C12orf56: variants seen among roughly 807,000 people sequenced by gnomAD.
The protein encoded by C12orf56 is uncharacterized protein C12orf56.
C12orf56 carries 71 observed loss-of-function variants against 69.9 expected under a neutral mutation model. The ratio of observed to expected loss-of-function variants is 1.02; its 90% CI spans 0.84 to 1.24. The LOEUF is 1.24. Among genes scored for constraint, C12orf56 ranks in the 50% most tolerant of loss-of-function variants. The probability of loss-of-function intolerance (pLI) is 0.00; values close to 1 mark genes in which losing one functional copy is unlikely to be tolerated. For missense variants in C12orf56, 732 were observed against 738.5 expected, an observed-to-expected ratio of 0.99 and a Z score of 0.10; for synonymous variants, 276 against 274.1, an observed-to-expected ratio of 1.01 and a Z score of -0.07.
At position 64,367,525 on chromosome 12, in the gene C12orf56, A is replaced by T. The variant is rs1216811002; in HGVS notation, c.253-14469T>A. ...GGAGAGATACTCTTTTTTTTTTTTGAGACAGAGCCTTGCTCTGTCGCCCAG... is the reference window on the plus strand; with the variant it reads ...GGAGAGATACTCTTTTTTTTTTTTGTGACAGAGCCTTGCTCTGTCGCCCAG... On this transcript the variant is annotated intron_variant, in intron 1 of 12. Coordinates refer to ENST00000543942, the MANE Select transcript of C12orf56 (RefSeq NM_001170633.2). Among the ~76,000 whole-genome samples, 9 of 147,300 alleles carry T rather than the reference A, an allele frequency of 6.1e-5. No homozygotes were observed. The South Asian group carries it at 1.1e-3, about 17-fold the overall frequency.
At chr12:64,274,213 C>T (rs4503636) in intron 11 of C12orf56, among the ~76,000 whole-genome samples, 141,033 of 151,928 alleles carry the variant, frequency 0.93, 66,353 homozygotes, top group East Asian at 1. Context: ...ACAGATGCAA[C>T]GGTACAGGTC....
At chr12:64,347,391 T>A (rs2039159593) in intron 2 of C12orf56, among the ~76,000 whole-genome samples, 1 of 150,302 alleles carries the variant, frequency 6.7e-6, no homozygotes, top group Non-Finnish European at 1.5e-5. Context: ...GTTCAAGCAA[T>A]TCTCCTACCT....
In C12orf56 at chr12:64,285,965, A is replaced by C. The variant is rs2038195381; in HGVS notation, c.1209T>G (p.Val403=). Residue 403 remains valine (V), a synonymous_variant, in exon 7 of 13, where the codon GTT becomes GTG. Transcript: ENST00000543942. ...KNALQNQSQR[V]DELVACIEII... is the part of the protein sequence containing the mutation. ...TAGTTAGTACTTACACCAGCTCATC[A>C]ACCCTTTGGCTTTGATTTTGTAGTG... The C allele has an allele frequency of 1.9e-6, 3 of 1,598,694 alleles. No homozygotes were observed. The highest frequency in any genetic ancestry group is 1.7e-5 in the Admixed American group (1 of 58,420).
chr12:64,332,287 A>G (rs1422510211), intron 2 of C12orf56, among the ~76,000 whole-genome samples: 1 of 125,036 alleles, frequency 8.0e-6, no homozygotes, highest in Non-Finnish European at 1.6e-5. Context: ...TGGGTGAAAG[A>G]GCGAGACTCC....
intron 2 of C12orf56, among the ~76,000 whole-genome samples, chr12:64,349,019 G>A (rs903335230): frequency 7.9e-5 from 12 of 152,156 alleles, no homozygotes; most frequent in African/African-American, 2.7e-4. Context: ...TTGAGACAGA[G>A]TCTCACTCTG....
chr12:64,364,267 G>A (rs2039436539), intron 1 of C12orf56, among the ~76,000 whole-genome samples: 1 of 151,898 alleles, frequency 6.6e-6, no homozygotes, highest in Non-Finnish European at 1.5e-5. Context: ...TGGGCAATGA[G>A]AGTGAGACCC....
At chr12:64,298,865 C>A (rs1275627841) in intron 6 of C12orf56, among the ~76,000 whole-genome samples, 1 of 152,150 alleles carries the variant, frequency 6.6e-6, no homozygotes, top group Non-Finnish European at 1.5e-5. Flanking sequence ...GCTATGCGGG[C>A]TCTTTTTTGG....
intron 3 of C12orf56, among the ~76,000 whole-genome samples, chr12:64,321,277 T>A (rs2038769386): frequency 6.6e-6 from 1 of 152,140 alleles, no homozygotes; most frequent in Non-Finnish European, 1.5e-5. Flanking sequence ...TGAGGGGAAG[T>A]TTATCCTTTT....
chr12:64,388,363 C>T (rs1451746064), intron 1 of C12orf56, among the ~76,000 whole-genome samples: 1 of 152,186 alleles, frequency 6.6e-6, no homozygotes, highest in Non-Finnish European at 1.5e-5. Flanking sequence ...CCTCCCACTT[C>T]AGCCTATGAA....
At chr12:64,300,885 A>G (rs1330935247) in intron 6 of C12orf56, among the ~76,000 whole-genome samples, 2 of 152,136 alleles carry the variant, frequency 1.3e-5, no homozygotes, top group Non-Finnish European at 2.9e-5. Flanking sequence ...GTTCCCACCC[A>G]AATCTCATCT....
intron 1 of C12orf56, among the ~76,000 whole-genome samples, chr12:64,366,804 A>G (rs1246617559): frequency 2.3e-5 from 2 of 85,982 alleles, no homozygotes; most frequent in African/African-American, 1.0e-4. Context: ...GTTTATATAT[A>G]TTATATATAA....
chr12:64,285,253 A>G (rs2038184367), intron 7 of C12orf56, among the ~76,000 whole-genome samples: 1 of 152,144 alleles, frequency 6.6e-6, no homozygotes, highest in Non-Finnish European at 1.5e-5. Flanking sequence ...ATCATTTTAT[A>G]TGTATCTCTT....
At chr12:64,305,896 T>G (rs2038505714) in intron 5 of C12orf56, among the ~76,000 whole-genome samples, 1 of 152,168 alleles carries the variant, frequency 6.6e-6, no homozygotes. Flanking sequence ...ACAAAAGAGC[T>G]TAGAAAAGCA....
rs1313407887 is a variant in C12orf56 at position 64,277,799 on chromosome 12, C to T, written c.1315G>A (p.Ala439Thr). The part of the protein sequence containing the change: ...RLNTLAAKKG[A>T]LFNLLVILIS... ...AAAATTACCAAGAGATTAAATAGTG[C>T]TCCCCTGGAAAAAAATAAATAAAAG... The change falls in exon 9 of 13, where the codon GCA becomes ACA. Residue 439 changes from alanine (A) to threonine (T), a missense_variant. Transcript: ENST00000543942. 6.4e-7 allele frequency: 1 copy of T among 1,551,564 alleles called. No homozygotes were observed. The highest frequency in any genetic ancestry group is 8.7e-7 in the Non-Finnish European group (1 of 1,147,632).
Position 64,274,996 on chromosome 12 carries a change from A to G in C12orf56, c.1510-21T>C, listed in dbSNP as rs533457911. On this transcript the variant is annotated intron_variant, in intron 10 of 12. Coordinates refer to ENST00000543942, the MANE Select transcript of C12orf56 (RefSeq NM_001170633.2). ...TTTCCCTAAAAGACTCAAGGAAATA[A>G]ACAAGTTATATTCATAAAGTTCAAG... 23 of 1,568,682 alleles carry G rather than the reference A, an allele frequency of 1.5e-5. No homozygotes were observed. In the African/African-American group the frequency reaches 2.6e-4, roughly 18 times the overall value.
intron 2 of C12orf56, among the ~76,000 whole-genome samples, chr12:64,344,833 C>G (rs911405408): frequency 3.3e-5 from 5 of 151,812 alleles, no homozygotes; most frequent in African/African-American, 1.2e-4. Context: ...ATGCCTTCCC[C>G]TACATTAAAC....
intron 2 of C12orf56, among the ~76,000 whole-genome samples, chr12:64,336,250 C>G (rs1056391278): frequency 1.6e-4 from 25 of 152,108 alleles, no homozygotes; most frequent in African/African-American, 6.0e-4. Flanking sequence ...TTTGTGTTGT[C>G]AAAAGCCTCC....
rs764750881 is a variant in C12orf56 at position 64,352,999 on chromosome 12, G to A, written c.310C>T (p.Arg104Cys). Reference sequence around the variant, plus strand: ...AAAACGGTTGAAGAATAGATGATACGAATGTGTTGGCTGATTTCTCTATCT... The same window carrying A: ...AAAACGGTTGAAGAATAGATGATACAAATGTGTTGGCTGATTTCTCTATCT... The part of the protein sequence containing the change: ...SPDREISQHI[R>C]IIYSSTVLKK... The change falls in exon 2 of 13, where the codon CGT becomes TGT. Residue 104 changes from arginine (R) to cysteine (C), a missense_variant. Transcript: ENST00000543942. The A allele has an allele frequency of 3.7e-5, 60 of 1,612,122 alleles. No individual in the cohort carries two copies. The highest frequency in any genetic ancestry group is 4.9e-5 in the Non-Finnish European group (58 of 1,179,488).
chr12:64,288,826 G>A (rs954049749), intron 6 of C12orf56, among the ~76,000 whole-genome samples: 5 of 151,526 alleles, frequency 3.3e-5, no homozygotes, highest in South Asian at 2.1e-4. Flanking sequence ...TTGACTTGGC[G>A]ATGCAGGCTC....
Sources: allele counts gnomAD v4.1 joint callset (sites outside exome capture counted in the v4.1 genomes callset), GRCh38; gene constraint gnomAD v4.1.1; transcripts MANE v1.5; gene names NCBI Gene and HGNC (gene_info 2026-07-23, HGNC 2026-07-21).